IGSF10: variants seen among roughly 807,000 people sequenced by gnomAD.
IGSF10 encodes immunoglobulin superfamily member 10, also known as calvaria mechanical force protein 608.
IGSF10 carries 126 observed loss-of-function variants against 128.2 expected under a neutral mutation model. That is an observed-to-expected ratio of 0.98 (90% CI 0.85 to 1.14). IGSF10 has a LOEUF of 1.14. Among genes scored for constraint, IGSF10 ranks in the 50% most tolerant of loss-of-function variants. The probability of loss-of-function intolerance (pLI) is 0.00; values close to 1 mark genes in which losing one functional copy is unlikely to be tolerated. For synonymous variants in IGSF10, 1,185 were observed against 1,146.2 expected (o/e 1.03, Z -0.68); for missense variants, 3,295 against 3,149.8 (o/e 1.05, Z -1.10).
At chr3:151,538,860 G>A in the IGSF10 span, among the ~76,000 whole-genome samples, 2 of 152,128 alleles carry the variant, frequency 1.3e-5, no homozygotes, top group Non-Finnish European at 2.9e-5. Flanking sequence ...CAGGCAGCAA[G>A]GGCTCAGGGA....
At chr3:151,590,543 A>G in the IGSF10 span, among the ~76,000 whole-genome samples, 1 of 152,194 alleles carries the variant, frequency 6.6e-6, no homozygotes, top group Non-Finnish European at 1.5e-5. Context: ...TATATATCAC[A>G]ATAATACCTC....
chr3:151,517,025 G>A, the IGSF10 span, among the ~76,000 whole-genome samples: 116 of 152,090 alleles, frequency 7.6e-4, no homozygotes, highest in African/African-American at 2.5e-3. Flanking sequence ...TCTTCTAGAA[G>A]GGCATCATTT....
At chr3:151,608,619 G>A in the IGSF10 span, among the ~76,000 whole-genome samples, 4 of 151,838 alleles carry the variant, frequency 2.6e-5, no homozygotes, top group Admixed American at 6.6e-5. Context: ...ATTGTTTCTC[G>A]GATGCTTAAC....
At chr3:151,608,009 GA>G in the IGSF10 span, among the ~76,000 whole-genome samples, 1 of 149,518 alleles carries the variant, frequency 6.7e-6, no homozygotes, top group Non-Finnish European at 1.5e-5. Context: ...ATAAAAAAGA[GA>G]AAAAAGTTGA....
the IGSF10 span, among the ~76,000 whole-genome samples, chr3:151,594,336 T>C: frequency 2.0e-5 from 3 of 148,368 alleles, no homozygotes; most frequent in Non-Finnish European, 4.5e-5. Flanking sequence ...AACTGCTTTT[T>C]TTTTTTTTTT....
the IGSF10 span, among the ~76,000 whole-genome samples, chr3:151,571,763 T>C: frequency 1.3e-5 from 2 of 152,140 alleles, no homozygotes; most frequent in Admixed American, 1.3e-4. Context: ...CTATGTTGAA[T>C]AGGAGTGGTG....
the IGSF10 span, among the ~76,000 whole-genome samples, chr3:151,479,356 A>T: frequency 6.6e-6 from 1 of 151,896 alleles, no homozygotes; most frequent in African/African-American, 2.4e-5. Context: ...CAAACTTTTA[A>T]ACGTCTTTTA....
intron 4 of IGSF10, among the ~76,000 whole-genome samples, chr3:151,455,293 G>C (rs1000776561): frequency 6.6e-6 from 1 of 151,832 alleles, no homozygotes; most frequent in Non-Finnish European, 1.5e-5. Context: ...GTATTATTTA[G>C]TAGAGATGGG....
the IGSF10 span, among the ~76,000 whole-genome samples, chr3:151,576,118 T>G: frequency 6.6e-6 from 1 of 151,904 alleles, no homozygotes; most frequent in Non-Finnish European, 1.5e-5. Flanking sequence ...GTCTGTTATC[T>G]TTTTCTTAAT....
chr3:151,580,651 A>C, the IGSF10 span, among the ~76,000 whole-genome samples: 1 of 152,194 alleles, frequency 6.6e-6, no homozygotes, highest in Admixed American at 6.5e-5. Flanking sequence ...CTAACTAACA[A>C]AAGACCTTCA....
At chr3:151,564,067 T>C in the IGSF10 span, among the ~76,000 whole-genome samples, 7 of 152,188 alleles carry the variant, frequency 4.6e-5, no homozygotes, top group African/African-American at 7.2e-5. Context: ...CTTCCTGTTA[T>C]GAGTGTGAAA....
chr3:151,590,252 G>T, the IGSF10 span, among the ~76,000 whole-genome samples: 161 of 151,998 alleles, frequency 1.1e-3, no homozygotes, highest in Non-Finnish European at 1.8e-3. Context: ...TATTGCCCAG[G>T]CTGTTCTTAA....
chr3:151,508,197 C>T, the IGSF10 span, among the ~76,000 whole-genome samples: 9 of 151,634 alleles, frequency 5.9e-5, no homozygotes, highest in Non-Finnish European at 1.2e-4. Context: ...TTTTGTTTGG[C>T]TTAAAGTTAC....
At chr3:151,438,645 G>T in intron 7 of IGSF10, 48 bp from the exon 8 acceptor site, 1 of 1,468,664 alleles carries the variant, frequency 6.8e-7, no homozygotes, top group African/African-American at 1.4e-5. Context: ...TAGCAATGAG[G>T]GAAACTGTTT....
At chr3:151,514,590 T>C in the IGSF10 span, among the ~76,000 whole-genome samples, 2 of 152,118 alleles carry the variant, frequency 1.3e-5, no homozygotes, top group East Asian at 3.8e-4. Context: ...CCAAAAGCAA[T>C]GGCAACAAAA....
the IGSF10 span, among the ~76,000 whole-genome samples, chr3:151,583,680 C>A: frequency 6.6e-6 from 1 of 152,168 alleles, no homozygotes; most frequent in African/African-American, 2.4e-5. Flanking sequence ...ACATATGTAA[C>A]AAACCTGCAC....
chr3:151,592,042 G>A, the IGSF10 span, among the ~76,000 whole-genome samples: 28 of 152,114 alleles, frequency 1.8e-4, no homozygotes, highest in African/African-American at 6.5e-4. Context: ...TATGTCTCCT[G>A]AAGTAGTAAC....
At chr3:151,477,206 G>T in the IGSF10 span, among the ~76,000 whole-genome samples, 1 of 151,914 alleles carries the variant, frequency 6.6e-6, no homozygotes, top group Non-Finnish European at 1.5e-5. Flanking sequence ...TCTCAGCTGT[G>T]TCATTGATTT....
the IGSF10 span, among the ~76,000 whole-genome samples, chr3:151,497,982 A>G: frequency 7.2e-5 from 11 of 151,756 alleles, no homozygotes; most frequent in African/African-American, 1.2e-4. Context: ...TCTGTCTGTT[A>G]TTGGTGTATA....
Sources: gnomAD v4.1 joint callset for allele counts (sites outside exome capture counted in the v4.1 genomes callset) on GRCh38, gnomAD v4.1.1 for gene constraint, MANE v1.5 for transcripts, NCBI Gene and HGNC (gene_info 2026-07-23, HGNC 2026-07-21) for gene names.